STAC: variants seen among roughly 807,000 people sequenced by gnomAD.
STAC encodes SH3 and cysteine-rich domain-containing protein.
In STAC, 43 loss-of-function variants were observed where a neutral mutation model predicts 48.8. The observed-to-expected ratio is 0.88, with a 90% CI of 0.69 to 1.14. The LOEUF (loss-of-function observed/expected upper bound fraction) is 1.14. Among genes scored for constraint, STAC ranks in the 50% most tolerant of loss-of-function variants. The pLI is 0.00. For missense variants in STAC, 497 were observed against 504.0 expected, an observed-to-expected ratio of 0.99 and a Z score of 0.13; for synonymous variants, 193 against 179.5, an observed-to-expected ratio of 1.07 and a Z score of -0.60.
In STAC at chr3:36,526,792, GAACTGTGTTGAGAT is replaced by G. The variant is rs1460395943; in HGVS notation, c.921-1899_921-1886del. On this transcript the variant is annotated intron_variant, in intron 8 of 10. Coordinates refer to ENST00000273183, the MANE Select transcript of STAC (RefSeq NM_003149.3). ...GTGAGCATAGAAGCCTGGGAAATAA[GAACTGTGTTGAGAT>G]AACTCTGGACCTTCAGACCTTCTAG... 2.0e-5 allele frequency among the ~76,000 whole-genome samples: 3 copies of G among 152,200 alleles called. No homozygotes were observed. In the South Asian group the frequency reaches 6.2e-4, roughly 31 times the overall value.
At chr3:36,403,109 T>C (rs191844032) in intron 1 of STAC, among the ~76,000 whole-genome samples, 127 of 152,366 alleles carry the variant, frequency 8.3e-4, no homozygotes, top group Non-Finnish European at 1.5e-3. Context: ...AACTGTTTTT[T>C]ATTTCTTTTA....
intron 1 of STAC, among the ~76,000 whole-genome samples, chr3:36,416,742 T>G (rs1010857478): frequency 2.6e-5 from 4 of 152,212 alleles, no homozygotes; most frequent in African/African-American, 9.6e-5. Flanking sequence ...CTCTATGCCA[T>G]GTTATTTTTT....
chr3:36,531,885 T>A (rs1391907532), intron 10 of STAC, among the ~76,000 whole-genome samples: 1 of 152,188 alleles, frequency 6.6e-6, no homozygotes, highest in East Asian at 1.9e-4. Flanking sequence ...TCATAAACCA[T>A]GAACAAATAA....
chr3:36,443,728 C>T lies in STAC; in HGVS notation c.388+88C>T. The T allele has an allele frequency of 6.7e-7, 1 of 1,498,782 alleles. No homozygotes were observed. Among genetic ancestry groups the T allele is most frequent in the South Asian group, 1.2e-5 (1 of 82,466 alleles). 92.8% of individuals were successfully genotyped at this position (1,498,782 alleles called of 1,614,324 possible). On this transcript the variant is annotated intron_variant, in intron 2 of 10. Transcript: ENST00000273183. The surrounding 1 kb of genome is among the most constrained non-coding windows in gnomAD (Gnocchi z 4.2). Reference sequence around the variant, plus strand: ...TGCCACGGGTCCAGGTACCTACGGACAGATGCTAGGCCTCAGAGATTTACA... The same window carrying T: ...TGCCACGGGTCCAGGTACCTACGGATAGATGCTAGGCCTCAGAGATTTACA...
intron 1 of STAC, among the ~76,000 whole-genome samples, chr3:36,401,356 A>T (rs1699996013): frequency 6.6e-6 from 1 of 152,210 alleles, no homozygotes; most frequent in South Asian, 2.1e-4. Flanking sequence ...GCTCAGTAAA[A>T]TGCTCATTCT....
At chr3:36,463,282 G>C (rs1482658498) in intron 2 of STAC, among the ~76,000 whole-genome samples, 2 of 151,798 alleles carry the variant, frequency 1.3e-5, no homozygotes, top group Non-Finnish European at 2.9e-5. Flanking sequence ...CTTTTGGCAG[G>C]GGTTCCTGAA....
rs1022137623 is a variant in STAC at position 36,546,605 on chromosome 3, G to A, written c.*316G>A. 2.4e-5 allele frequency: 10 copies of A among 417,354 alleles called. No homozygotes were observed. The South Asian group carries it at 2.5e-4, about 10-fold the overall frequency. 25.9% of individuals were successfully genotyped at this position (417,354 alleles called of 1,614,324 possible). A position where few individuals can be genotyped will look rare whatever the true frequency, so the allele number is the denominator to read the frequency against. ...ATCCCACTCCTTTCCTGTCTGTGTG[G>A]TGTAAGTTAACACACTGGAGTGTGC... On this transcript the variant is annotated 3_prime_UTR_variant, in exon 11 of 11. Coordinates refer to ENST00000273183, the MANE Select transcript of STAC (RefSeq NM_003149.3).
chr3:36,467,373 A>G (rs1697206837), intron 2 of STAC, among the ~76,000 whole-genome samples: 1 of 152,136 alleles, frequency 6.6e-6, no homozygotes. Context: ...TGATTTAGGG[A>G]GAATTTACTG....
chr3:36,444,164 C>T (rs1696439783), intron 2 of STAC, among the ~76,000 whole-genome samples: 1 of 152,176 alleles, frequency 6.6e-6, no homozygotes, highest in South Asian at 2.1e-4. Flanking sequence ...CTTACAATCA[C>T]ACACAAGGCT....
intron 1 of STAC, among the ~76,000 whole-genome samples, chr3:36,398,320 C>CAAGCAAGA (rs1699898474): frequency 9.7e-5 from 8 of 82,170 alleles, no homozygotes; most frequent in East Asian, 5.8e-4. Context: ...AGAAAGAAAG[C>CAAGCAAGA]AAGAAAGAAA....
intron 1 of STAC, among the ~76,000 whole-genome samples, chr3:36,419,216 C>G (rs1297636576): frequency 1.3e-5 from 2 of 152,158 alleles, no homozygotes; most frequent in Admixed American, 6.5e-5. Context: ...AATATTAATA[C>G]TGCAAAGCCC....
At chr3:36,482,942 C>G (rs762803497) in intron 2 of STAC, 50 bp from the exon 3 acceptor site, 1 of 1,299,384 alleles carries the variant, frequency 7.7e-7, no homozygotes, top group South Asian at 1.2e-5. Context: ...GACTAATCAG[C>G]AGGAAATGGC....
chr3:36,483,651 A>G lies in STAC; in HGVS notation c.489+559A>G, dbSNP rs551770178. Among the ~76,000 whole-genome samples the G allele has an allele frequency of 2.0e-5, 3 of 152,250 alleles. No individual in the cohort carries two copies. In the South Asian group the frequency reaches 6.2e-4, roughly 32 times the overall value. On this transcript the variant is annotated intron_variant, in intron 3 of 10. Transcript: ENST00000273183. ...ATGGGCTTCAGTCCTGGTGCCACATATTGATTAAGAGGCAATTCAAGCCAG... is the reference window on the plus strand; with the variant it reads ...ATGGGCTTCAGTCCTGGTGCCACATGTTGATTAAGAGGCAATTCAAGCCAG...
chr3:36,422,243 C>A (rs757750695), intron 1 of STAC, among the ~76,000 whole-genome samples: 8 of 152,008 alleles, frequency 5.3e-5, no homozygotes, highest in Non-Finnish European at 1.2e-4. Flanking sequence ...TATTCTTGAT[C>A]TTACTTTCCA....
At chr3:36,524,844 T>C (rs1285301112) in intron 8 of STAC, among the ~76,000 whole-genome samples, 1 of 152,050 alleles carries the variant, frequency 6.6e-6, no homozygotes, top group Non-Finnish European at 1.5e-5. Flanking sequence ...AGTTACTACC[T>C]TGGATTCAAG....
chr3:36,456,372 A>G (rs938780258), intron 2 of STAC, among the ~76,000 whole-genome samples: 1 of 152,122 alleles, frequency 6.6e-6, no homozygotes, highest in African/African-American at 2.4e-5. Context: ...CCTTCTGAGT[A>G]TCTATTTTCT....
chr3:36,490,060 T>C (rs1697926731), intron 5 of STAC, among the ~76,000 whole-genome samples: 1 of 152,230 alleles, frequency 6.6e-6, no homozygotes, highest in Admixed American at 6.5e-5. Context: ...GGAGAATTAC[T>C]GAGTTAAATT....
intron 8 of STAC, among the ~76,000 whole-genome samples, chr3:36,527,846 C>T (rs1236132099): frequency 2.0e-5 from 3 of 152,160 alleles, no homozygotes; most frequent in Non-Finnish European, 4.4e-5. Flanking sequence ...CACACACACA[C>T]ACATGCACAC....
At chr3:36,422,681 T>C (rs978884964) in intron 1 of STAC, among the ~76,000 whole-genome samples, 3 of 152,158 alleles carry the variant, frequency 2.0e-5, no homozygotes, top group Non-Finnish European at 4.4e-5. Flanking sequence ...TTTATAAACA[T>C]ATAAAAACAT....
Sources: allele counts gnomAD v4.1 joint callset (sites outside exome capture counted in the v4.1 genomes callset), GRCh38; gene constraint gnomAD v4.1.1; non-coding constraint Gnocchi (gnomAD v3.1); transcripts MANE v1.5; gene names NCBI Gene and HGNC (gene_info 2026-07-23, HGNC 2026-07-21).